Variants in ATAD1 observed in about 807,000 individuals in gnomAD.
ATAD1 encodes the protein ATPase family AAA domain containing 1, also known as outer mitochondrial transmembrane helix translocase.
ATAD1 carries 18 observed loss-of-function variants against 42.7 expected under a neutral mutation model. The ratio of observed to expected loss-of-function variants is 0.42; its 90% CI spans 0.29 to 0.63. The LOEUF (loss-of-function observed/expected upper bound fraction) is 0.63, where lower values mean the gene tolerates loss of function less well. Among genes scored for constraint, ATAD1 ranks in the 20% least tolerant of loss-of-function variants. The pLI is 0.19. For synonymous variants in ATAD1, 132 were observed against 143.1 expected (o/e 0.92, Z 0.55); for missense variants, 294 against 440.4 (o/e 0.67, Z 2.98).
chr10:87,832,265 A>T (rs1465175533), intron 1 of ATAD1: 2 of 151,916 alleles, frequency 1.3e-5, no homozygotes, highest in African/African-American at 4.8e-5. Flanking sequence ...ATGGTGACCC[A>T]TGCATGTAGT....
intron 2 of ATAD1, among the ~76,000 whole-genome samples, chr10:87,798,808 T>C (rs1589530685): frequency 6.6e-6 from 1 of 152,160 alleles, no homozygotes; most frequent in South Asian, 2.1e-4. Flanking sequence ...TCCTTTAACA[T>C]GCAAATTAAA....
In ATAD1 at chr10:87,818,153, A is replaced by C; in HGVS notation, c.-14+14T>G. 1 of 985,648 alleles carries C rather than the reference A, an allele frequency of 1.0e-6. No individual in the cohort carries two copies. The highest frequency in any genetic ancestry group is 4.7e-5 in the South Asian group (1 of 21,300). 61.1% of individuals were successfully genotyped at this position (985,648 alleles called of 1,614,324 possible). A position where few individuals can be genotyped will look rare whatever the true frequency, so the allele number is the denominator to read the frequency against. ...CAACCATCCCATGAGGCCCCACGGG[A>C]ACCAGCTACTCACCCAGGGGCAGAA... On this transcript the variant is annotated intron_variant, in intron 1 of 9. Transcript: ENST00000680024.
Position 87,776,354 on chromosome 10 carries a change from G to C in ATAD1, c.657C>G (p.Leu219=), listed in dbSNP as rs116195084. The change falls in exon 6 of 10, where the codon CTC becomes CTG. Residue 219 remains leucine (L), a synonymous_variant. Transcript: ENST00000680024. ...TAMMKAQFMS[L]WDGLDTDHSC... is the part of the protein sequence containing the mutation. ...TGTGATCAGTATCCAATCCATCCCA[G>C]AGACTCATAAACTGAGCTTTCATCA... 938 of 1,613,786 alleles carry C rather than the reference G, an allele frequency of 5.8e-4. 4 individuals are homozygous for C. In the African/African-American group the frequency reaches 0.012, roughly 20 times the overall value.
chr10:87,774,992 C>A (rs1432443322), intron 6 of ATAD1, among the ~76,000 whole-genome samples: 1 of 151,882 alleles, frequency 6.6e-6, no homozygotes, highest in East Asian at 1.9e-4. Context: ...AAATAAGGTC[C>A]TACATATATC....
chr10:87,815,464 C>T (rs781107126), intron 1 of ATAD1, among the ~76,000 whole-genome samples: 46 of 151,844 alleles, frequency 3.0e-4, no homozygotes, highest in Admixed American at 5.9e-4. Flanking sequence ...TCAAATACTG[C>T]CATTATACTC....
chr10:87,765,841 A>C (rs1162741187), intron 8 of ATAD1, among the ~76,000 whole-genome samples: 1 of 152,068 alleles, frequency 6.6e-6, no homozygotes, highest in Non-Finnish European at 1.5e-5. Context: ...CAGCCTGGGC[A>C]ACACAGCAAG....
rs1391659079 is a variant in ATAD1 at position 87,753,219 on chromosome 10, A to G, written c.*1468T>C. 2 of 152,118 alleles carry G rather than the reference A, an allele frequency of 1.3e-5. No homozygotes were observed. The highest frequency in any genetic ancestry group is 1.9e-4 in the East Asian group (1 of 5,196). The allele number at this position is 152,118 out of a possible 1,614,324, so 9.4% of individuals were successfully genotyped here. A position where few individuals can be genotyped will look rare whatever the true frequency, so the allele number is the denominator to read the frequency against. ...TTGGTATCTTGTATTCAGTTTTTCC[A>G]TCCTCTTCACAATCTTCCATAACTT... On this transcript the variant is annotated 3_prime_UTR_variant, in exon 10 of 10. Coordinates refer to ENST00000680024, the MANE Select transcript of ATAD1 (RefSeq NM_001321967.2).
intron 2 of ATAD1, among the ~76,000 whole-genome samples, chr10:87,795,340 G>A (rs1357214176): frequency 6.6e-6 from 1 of 152,012 alleles, no homozygotes; most frequent in Non-Finnish European, 1.5e-5. Context: ...ACTTTTAAGT[G>A]AGCCACTAGA....
chr10:87,764,122 A>G (rs1340996157), intron 8 of ATAD1, among the ~76,000 whole-genome samples: 2 of 152,110 alleles, frequency 1.3e-5, no homozygotes, highest in African/African-American at 2.4e-5. Context: ...AACAGAGACA[A>G]TACATATGAG....
At chr10:87,762,114 A>G (rs1854509848) in intron 8 of ATAD1, among the ~76,000 whole-genome samples, 2 of 152,202 alleles carry the variant, frequency 1.3e-5, no homozygotes, top group African/African-American at 2.4e-5. Flanking sequence ...CTCTGTTACA[A>G]GGGCTTAAAT....
chr10:87,788,887 AG>A (rs1564759671), intron 4 of ATAD1, among the ~76,000 whole-genome samples: 1 of 152,090 alleles, frequency 6.6e-6, no homozygotes, highest in African/African-American at 2.4e-5. Flanking sequence ...TTTTTGCGGC[AG>A]GGGGGAAATC....
chr10:87,816,503 A>G (rs1029145524), intron 1 of ATAD1, among the ~76,000 whole-genome samples: 2 of 152,160 alleles, frequency 1.3e-5, no homozygotes, highest in Non-Finnish European at 2.9e-5. Context: ...TATATATTGG[A>G]TATACAATAA....
intron 2 of ATAD1, among the ~76,000 whole-genome samples, chr10:87,797,893 G>GT (rs1203783631): frequency 6.6e-6 from 1 of 152,134 alleles, no homozygotes; most frequent in East Asian, 1.9e-4. Flanking sequence ...CTGAACTGTT[G>GT]TTTTTGCAGG....
At chr10:87,821,679 G>A (rs1280528141), upstream of ATAD1, among the ~76,000 whole-genome samples, 1 of 152,188 alleles carries the variant, frequency 6.6e-6, no homozygotes, top group Non-Finnish European at 1.5e-5. Context: ...TTTACAGTAA[G>A]CATCTGGGCT....
intron 5 of ATAD1, among the ~76,000 whole-genome samples, chr10:87,777,140 G>A (rs1444470517): frequency 6.6e-6 from 1 of 152,144 alleles, no homozygotes; most frequent in Non-Finnish European, 1.5e-5. Flanking sequence ...GAAGGATCTA[G>A]TACTGAGAGG....
rs1012190489 is a variant in ATAD1 at position 87,770,872 on chromosome 10, T to C, written c.780+80A>G. The C allele has an allele frequency of 2.2e-5, 29 of 1,295,260 alleles. No individual in the cohort carries two copies. In the Admixed American group the frequency reaches 4.2e-4, roughly 19 times the overall value. The allele number at this position is 1,295,260 out of a possible 1,614,324, so 80.2% of individuals were successfully genotyped here. On this transcript the variant is annotated intron_variant, in intron 7 of 9. Transcript: ENST00000680024. ...ATAAGCACCCCTATATGACAAAATATTCCCTTCTTAAAATTAAAGGTGAAG... is the reference window on the plus strand; with the variant it reads ...ATAAGCACCCCTATATGACAAAATACTCCCTTCTTAAAATTAAAGGTGAAG...
chr10:87,836,333 C>T (rs111992243), intron 1 of ATAD1, among the ~76,000 whole-genome samples: 11 of 152,160 alleles, frequency 7.2e-5, no homozygotes, highest in Admixed American at 2.0e-4. Flanking sequence ...TTCCGTCTGT[C>T]TGAAGAACTT....
chr10:87,764,449 A>G (rs1854639287), intron 8 of ATAD1, among the ~76,000 whole-genome samples: 1 of 152,166 alleles, frequency 6.6e-6, no homozygotes, highest in Non-Finnish European at 1.5e-5. Flanking sequence ...GTGACAAAGC[A>G]AGACTCCGTC....
At chr10:87,762,918 A>ATATAT (rs373919764) in intron 8 of ATAD1, among the ~76,000 whole-genome samples, 1 of 134,706 alleles carries the variant, frequency 7.4e-6, no homozygotes, top group South Asian at 2.6e-4. Context: ...AAAAAAAAAA[A>ATATAT]ATATATATAT....
Sources: allele counts gnomAD v4.1 joint callset (sites outside exome capture counted in the v4.1 genomes callset), GRCh38; gene constraint gnomAD v4.1.1; transcripts MANE v1.5; gene names NCBI Gene and HGNC (gene_info 2026-07-23, HGNC 2026-07-21).